Variants in DNAH10 observed in about 807,000 individuals in gnomAD.
The protein encoded by DNAH10 is dynein axonemal heavy chain 10, also known as axonemal beta dynein heavy chain 10.
A neutral mutation model predicts 506.6 loss-of-function variants in DNAH10; 348 were observed. The observed-to-expected ratio is 0.69, with a 90% CI of 0.63 to 0.75. The LOEUF (loss-of-function observed/expected upper bound fraction) is 0.75, where lower values mean the gene tolerates loss of function less well. Ranked by LOEUF, DNAH10 falls within the 30% of genes least tolerant of loss-of-function variation. DNAH10 has a pLI of 0.00. For missense variants in DNAH10, 5,179 were observed against 5,787.1 expected (o/e 0.89, Z 3.41); for synonymous variants, 2,059 against 2,198.6 (o/e 0.94, Z 1.78).
chr12:123,832,991 G>A (rs1437459701), intron 26 of DNAH10, 123 bp from the exon 27 acceptor site: 1 of 699,214 alleles, frequency 1.4e-6, no homozygotes, highest in Non-Finnish European at 2.4e-6. Context: ...AACTTTTCAG[G>A]AAACAGACCC....
chr12:123,903,021 G>A lies in DNAH10; in HGVS notation c.9723G>A (p.Glu3241=), dbSNP rs751618628. ...AAGTCATTGCCATGGAGAAGGCCGA[G>A]GCCGAGACGACCCTGGCAGAGGTCA... ...QNKVIAMEKA[E]AETTLAEVMP... The change falls in exon 57 of 79, where the codon GAG becomes GAA. Residue 3241 remains glutamate (E), a synonymous_variant. Coordinates refer to ENST00000673944, the MANE Select transcript of DNAH10 (RefSeq NM_001372106.1). This position sits in a 1 kb window ranked among gnomAD's most constrained non-coding sequence, Gnocchi z 4.6. 2.5e-6 allele frequency: 4 copies of A among 1,605,432 alleles called. No individual in the cohort carries two copies. The highest frequency in any genetic ancestry group is 3.4e-5 in the Admixed American group (2 of 58,768).
intron 23 of DNAH10, among the ~76,000 whole-genome samples, chr12:123,819,700 G>GTTTTTTTTTTTT (rs768231077): frequency 9.8e-6 from 1 of 101,840 alleles, no homozygotes. Flanking sequence ...CTAAAATTCT[G>GTTTTTTTTTTTT]TTTTTTTTTT....
intron 41 of DNAH10, among the ~76,000 whole-genome samples, chr12:123,866,737 GT>G (rs1170465653): frequency 5.9e-5 from 9 of 152,182 alleles, no homozygotes; most frequent in African/African-American, 2.2e-4. Context: ...CCAGAAATTT[GT>G]ATACAAATGG....
At chr12:123,818,244 G>A (rs1462460097) in intron 21 of DNAH10, among the ~76,000 whole-genome samples, 2 of 151,830 alleles carry the variant, frequency 1.3e-5, no homozygotes, top group African/African-American at 4.8e-5. Context: ...ACTGCACCCA[G>A]CCTCTATCTC....
chr12:123,915,143 C>T (rs1954414359), intron 62 of DNAH10, 144 bp downstream of exon 62: 2 of 1,186,036 alleles, frequency 1.7e-6, no homozygotes, highest in East Asian at 5.4e-5. Context: ...GCGGAGCCCT[C>T]CCCCGGCTCC....
At chr12:123,791,461 A>G (rs1050686197) in intron 11 of DNAH10, among the ~76,000 whole-genome samples, 8 of 152,224 alleles carry the variant, frequency 5.3e-5, no homozygotes, top group Non-Finnish European at 8.8e-5. Context: ...GCACAACCCT[A>G]GACAGTTCTA....
At chr12:123,887,421 G>A (rs910051143) in intron 52 of DNAH10, 108 bp downstream of exon 52, 21 of 1,308,352 alleles carry the variant, frequency 1.6e-5, no homozygotes, top group East Asian at 2.6e-5. Flanking sequence ...AGCCCTGTGC[G>A]GGTGTACCTG....
In DNAH10 at chr12:123,801,321, A is replaced by G. The variant is rs1958474366; in HGVS notation, c.2503A>G (p.Met835Val). 2 of 1,614,144 alleles carry G rather than the reference A, an allele frequency of 1.2e-6. No individual in the cohort carries two copies. The highest frequency in any genetic ancestry group is 2.2e-5 in the East Asian group (1 of 44,878). ...GIQRMLDHYH[M>V]LIGTLNDAES... ...ACAGCGCATGTTGGATCATTATCACATGCTCATAGGAACGTTAAACGATGC... is the reference window on the plus strand; with the variant it reads ...ACAGCGCATGTTGGATCATTATCACGTGCTCATAGGAACGTTAAACGATGC... Residue 835 changes from methionine (M) to valine (V), a missense_variant, in exon 16 of 79, where the codon ATG becomes GTG. Coordinates refer to ENST00000673944, the MANE Select transcript of DNAH10 (RefSeq NM_001372106.1).
chr12:123,785,842 A>G lies in DNAH10; in HGVS notation c.1327A>G (p.Asn443Asp). The G allele has an allele frequency of 6.2e-7, 1 of 1,614,076 alleles. No homozygotes were observed. Among genetic ancestry groups the G allele is most frequent in the Non-Finnish European group, 8.5e-7 (1 of 1,180,004 alleles). ...RMVWIISRHY[N>D]KDERMIPLME... ...GGTGTGGATCATCTCCCGACACTAC[A>G]ACAAAGACGAGAGGATGATTCCGCT... The change falls in exon 9 of 79, where the codon AAC becomes GAC. Residue 443 changes from asparagine (N) to aspartate (D), a missense_variant. Around this residue, in one of 3 missense-constraint regions of DNAH10, gnomAD observed 4,844 missense variants for 5,430.5 expected, o/e 0.89. Transcript: ENST00000673944. This position sits in a 1 kb window ranked among gnomAD's most constrained non-coding sequence, Gnocchi z 4.1.
chr12:123,839,891 C>G (rs1418697146), intron 29 of DNAH10, among the ~76,000 whole-genome samples: 1 of 152,120 alleles, frequency 6.6e-6, no homozygotes, highest in East Asian at 1.9e-4. Context: ...TATCCATGAA[C>G]CATTTCCTGA....
At chr12:123,898,943 C>A in intron 56 of DNAH10, 129 bp downstream of exon 56, 3 of 1,349,444 alleles carry the variant, frequency 2.2e-6, no homozygotes, top group Non-Finnish European at 2.9e-6. Flanking sequence ...TGTGAAACTG[C>A]TTGTAGGCAC....
chr12:123,926,406 A>T lies in DNAH10; in HGVS notation c.11922-231A>T, dbSNP rs1366364463. 2 of 507,082 alleles carry T rather than the reference A, an allele frequency of 3.9e-6. No homozygotes were observed. Among genetic ancestry groups the T allele is most frequent in the Non-Finnish European group, 6.8e-6 (2 of 294,364 alleles). 31.4% of individuals were successfully genotyped at this position (507,082 alleles called of 1,614,324 possible). ...TGCCCAGCTCAGCACAAACCAACTG[A>T]ATCGAGTGTGAGGGGGTACAGAGAA... On this transcript the variant is annotated intron_variant, in intron 68 of 78. Transcript: ENST00000673944. This position sits in a 1 kb window ranked among gnomAD's most constrained non-coding sequence, Gnocchi z 4.1.
intron 16 of DNAH10, among the ~76,000 whole-genome samples, 185 bp downstream of exon 16, chr12:123,801,617 G>A (rs547362911): frequency 2.2e-4 from 33 of 152,248 alleles, no homozygotes; most frequent in Non-Finnish European, 4.1e-4. Context: ...GAAGATAAGA[G>A]GGGTGATATT....
rs1179940176 is a variant in DNAH10, at chr12:123,916,754, C to T, written c.11002+18C>T. 7 of 1,589,952 alleles carry T rather than the reference C, an allele frequency of 4.4e-6. No homozygotes were observed. The highest frequency in any genetic ancestry group is 1.7e-5 in the Admixed American group (1 of 57,702). On this transcript the variant is annotated intron_variant, in intron 63 of 78. Transcript: ENST00000673944. The surrounding 1 kb of genome is among the most constrained non-coding windows in gnomAD (Gnocchi z 4.6). ...TTACACTGGTAAGAATGTGTAGAAC[C>T]TCCACTGCTAATTCAGATGGTTATG... is the stretch of plus-strand genomic sequence containing the variant.
chr12:123,857,468 G>A (rs7309510), intron 37 of DNAH10, among the ~76,000 whole-genome samples: 1,892 of 152,290 alleles, frequency 0.012, 29 homozygotes, highest in African/African-American at 0.043. Flanking sequence ...AGTGGCTTAC[G>A]CCTGTAATCC....
At chr12:123,866,165 A>G (rs1951796509) in intron 41 of DNAH10, 92 bp downstream of exon 41, 5 of 1,021,688 alleles carry the variant, frequency 4.9e-6, no homozygotes, top group Non-Finnish European at 5.0e-6. Context: ...GTTGAAGGCG[A>G]TGACTTTGTC....
At chr12:123,803,558 T>TC (rs1285551553) in intron 16 of DNAH10, 103 bp from the exon 17 acceptor site, 6 of 1,202,592 alleles carry the variant, frequency 5.0e-6, no homozygotes, top group Non-Finnish European at 3.3e-6. Context: ...AGCAGGGTCT[T>TC]TCCTGCAAAG....
rs146431730 is a variant in DNAH10 at position 123,914,527 on chromosome 12, C to T, written c.10551C>T (p.Leu3517=). The change falls in exon 61 of 79, where the codon CTC becomes CTT. Residue 3517 remains leucine, a synonymous_variant. Transcript: ENST00000673944. ...AGCCTTTCCGGCTGGAAAGCCTGCT[C>T]ACGGATGATGTTGAGATCAGCAGGT... ...LSQPFRLESL[L]TDDVEISRWG... 30 of 1,613,274 alleles carry T rather than the reference C, an allele frequency of 1.9e-5. No homozygotes were observed. The highest frequency in any genetic ancestry group is 2.5e-5 in the Non-Finnish European group (29 of 1,179,738).
intron 55 of DNAH10, 48 bp downstream of exon 55, chr12:123,898,015 G>A (rs1953334159): frequency 1.3e-6 from 2 of 1,492,334 alleles, no homozygotes; most frequent in South Asian, 2.8e-5. Context: ...ATTATTTATG[G>A]GTAAGGATTC....
Sources: allele counts gnomAD v4.1 joint callset (sites outside exome capture counted in the v4.1 genomes callset), GRCh38; gene constraint gnomAD v4.1.1; regional missense constraint gnomAD v4.1.1; non-coding constraint Gnocchi (gnomAD v3.1); transcripts MANE v1.5; gene names NCBI Gene and HGNC (gene_info 2026-07-23, HGNC 2026-07-21).